The following FAT4 variants were observed in gnomAD, a reference collection of about 807,000 sequenced individuals.
FAT4 encodes the protein protocadherin Fat 4.
In FAT4, 84 loss-of-function variants were observed where a neutral mutation model predicts 303.9. The observed-to-expected ratio is 0.28, with a 90% CI of 0.23 to 0.33. FAT4 has a LOEUF of 0.33. Ranked by LOEUF, FAT4 falls within the 10% of genes least tolerant of loss-of-function variation. FAT4 has a pLI of 1.00. For synonymous variants in FAT4, 2,307 were observed against 2,298.8 expected, an observed-to-expected ratio of 1.00 and a Z score of -0.10; for missense variants, 6,005 against 6,146.8, an observed-to-expected ratio of 0.98 and a Z score of 0.77.
At position 125,453,890 on chromosome 4, in the gene FAT4, A is replaced by G. The variant is rs544420655; in HGVS notation, c.11800+1080A>G. ...CACCCTAGTGGGATATGATGTCCAT[A>G]TATACATAGATCTCTACCTATTTCT... On this transcript the variant is annotated intron_variant, in intron 10 of 17. Coordinates refer to ENST00000394329, the MANE Select transcript of FAT4 (RefSeq NM_001291303.3). Among the ~76,000 whole-genome samples, 34 of 152,302 alleles carry G rather than the reference A, an allele frequency of 2.2e-4. No homozygotes were observed. In the South Asian group the frequency reaches 5.4e-3, roughly 24 times the overall value.
At chr4:125,342,341 C>T (rs1434831888) in intron 2 of FAT4, among the ~76,000 whole-genome samples, 1 of 151,906 alleles carries the variant, frequency 6.6e-6, no homozygotes, top group Non-Finnish European at 1.5e-5. Flanking sequence ...AAATTTTTAT[C>T]AAGCTCAAAT....
intron 3 of FAT4, among the ~76,000 whole-genome samples, chr4:125,400,346 C>T (rs1273799474): frequency 6.6e-6 from 1 of 151,922 alleles, no homozygotes; most frequent in Non-Finnish European, 1.5e-5. Flanking sequence ...TTGTTTTAAT[C>T]ATCATACTGC....
At chr4:125,432,512 G>A (rs1460041085) in intron 7 of FAT4, among the ~76,000 whole-genome samples, 1 of 152,096 alleles carries the variant, frequency 6.6e-6, no homozygotes, top group Non-Finnish European at 1.5e-5. Context: ...TATTTGATGT[G>A]TTTCTTATCG....
intron 2 of FAT4, among the ~76,000 whole-genome samples, chr4:125,374,479 C>T (rs1733241104): frequency 6.6e-6 from 1 of 152,146 alleles, no homozygotes. Context: ...TTGGCTTCAA[C>T]AGAAATAAAT....
At chr4:125,324,250 A>G (rs1731065718) in intron 2 of FAT4, among the ~76,000 whole-genome samples, 1 of 152,212 alleles carries the variant, frequency 6.6e-6, no homozygotes, top group African/African-American at 2.4e-5. Context: ...ACCAAAAAAT[A>G]GATATATGTA....
At position 125,315,438 on chromosome 4, in the gene FAT4, C is replaced by G. The variant is rs1168747185; in HGVS notation, c.-552C>G. On this transcript the variant is annotated 5_prime_UTR_variant, in exon 1 of 18. Coordinates refer to ENST00000394329, the MANE Select transcript of FAT4 (RefSeq NM_001291303.3). ...TAGAGTGGGCTTCTGACTGGGGCCG[C>G]CGGAGAACGACCCCCCCTGGCATGG... is the stretch of plus-strand genomic sequence containing the variant. Among the ~76,000 whole-genome samples the G allele has an allele frequency of 6.6e-6, 1 of 152,068 alleles. No homozygotes were observed. The highest frequency in any genetic ancestry group is 1.9e-4 in the East Asian group (1 of 5,168).
At chr4:125,474,992 G>A (rs1726976876) in intron 12 of FAT4, among the ~76,000 whole-genome samples, 1 of 151,986 alleles carries the variant, frequency 6.6e-6, no homozygotes, top group Non-Finnish European at 1.5e-5. Flanking sequence ...TAGTTGCATT[G>A]TATTTATATT....
At position 125,408,441 on chromosome 4, in the gene FAT4, T is replaced by C; in HGVS notation, c.5570-3T>C. On this transcript the variant is annotated splice_polypyrimidine_tract_variant and splice_region_variant and intron_variant, in intron 4 of 17. Transcript: ENST00000394329. ...TTATACTATTAATTTATTCTTTTGA[T>C]AGGTTCTTTGGTAGCAGCCATTTTA... The C allele has an allele frequency of 6.4e-7, 1 of 1,562,056 alleles. No homozygotes were observed.
chr4:125,384,423 T>A (rs1733660084), intron 2 of FAT4, among the ~76,000 whole-genome samples: 1 of 152,202 alleles, frequency 6.6e-6, no homozygotes, highest in Admixed American at 6.5e-5. Context: ...GAATTTAACA[T>A]CTTTTTATGT....
intron 2 of FAT4, among the ~76,000 whole-genome samples, chr4:125,330,809 A>C (rs1731352301): frequency 1.3e-5 from 2 of 152,130 alleles, no homozygotes; most frequent in Admixed American, 1.3e-4. Context: ...ATTTGCCCAA[A>C]AACTTCCTAT....
intron 16 of FAT4, among the ~76,000 whole-genome samples, chr4:125,486,266 T>C (rs1727409958): frequency 6.6e-6 from 1 of 152,110 alleles, no homozygotes; most frequent in African/African-American, 2.4e-5. Flanking sequence ...TTTTCTGTTT[T>C]TTTTTTTTAG....
In FAT4 at chr4:125,477,383, A is replaced by T. The variant is rs148988132; in HGVS notation, c.12479+49A>T. The stretch of plus-strand genomic sequence containing the variant: ...GTTTTAAAGAAAAAAAATGCAAAAA[A>T]GTATGCTTCAGTGAGCATCAAAAGA... On this transcript the variant is annotated intron_variant, in intron 14 of 17. Coordinates refer to ENST00000394329, the MANE Select transcript of FAT4 (RefSeq NM_001291303.3). 8 of 1,437,880 alleles carry T rather than the reference A, an allele frequency of 5.6e-6. No individual in the cohort carries two copies. In the African/African-American group the frequency reaches 8.7e-5, roughly 16 times the overall value. The allele number at this position is 1,437,880 out of a possible 1,614,324, so 89.1% of individuals were successfully genotyped here.
Position 125,449,586 on chromosome 4 carries a change from A to G in FAT4, c.8576A>G (p.Asp2859Gly). ...GATTCTGGGTGGACTGTAAGTACAG[A>G]TGTCACAATATTTGTGACAGACATC... is the stretch of plus-strand genomic sequence containing the variant. ...AHDSGWTVST[D>G]VTIFVTDIND... Residue 2859 changes from aspartate to glycine, a missense_variant, in exon 10 of 18, where the codon GAT (aspartate) becomes GGT (glycine). Asp to Gly is a moderately conservative substitution (Grantham distance 94). Coordinates refer to ENST00000394329, the MANE Select transcript of FAT4 (RefSeq NM_001291303.3). 6.2e-7 allele frequency: 1 copy of G among 1,613,810 alleles called. No individual in the cohort carries two copies. The highest frequency in any genetic ancestry group is 8.5e-7 in the Non-Finnish European group (1 of 1,179,824).
At chr4:125,430,661 G>GAA (rs11449318) in intron 7 of FAT4, among the ~76,000 whole-genome samples, 2 of 150,490 alleles carry the variant, frequency 1.3e-5, no homozygotes, top group Non-Finnish European at 3.0e-5. Flanking sequence ...CTTGAGGTGG[G>GAA]AAAAAAAAAT....
intron 2 of FAT4, among the ~76,000 whole-genome samples, chr4:125,336,861 T>A (rs1402838891): frequency 6.6e-6 from 1 of 151,998 alleles, no homozygotes; most frequent in African/African-American, 2.4e-5. Flanking sequence ...ACTAGAGTGA[T>A]AGGCGGGAAC....
intron 10 of FAT4, among the ~76,000 whole-genome samples, chr4:125,460,181 T>C (rs1201091612): frequency 2.0e-5 from 3 of 152,072 alleles, no homozygotes; most frequent in Non-Finnish European, 4.4e-5. Context: ...AATTTTTAAA[T>C]AGTAAATAAT....
At chr4:125,403,308 A>G (rs767432537) in intron 3 of FAT4, among the ~76,000 whole-genome samples, 4 of 152,098 alleles carry the variant, frequency 2.6e-5, no homozygotes, top group Non-Finnish European at 4.4e-5. Flanking sequence ...TGACTAATAA[A>G]TGGAGCACAA....
intron 2 of FAT4, among the ~76,000 whole-genome samples, chr4:125,370,840 T>C (rs981416339): frequency 6.6e-6 from 1 of 152,136 alleles, no homozygotes; most frequent in Non-Finnish European, 1.5e-5. Flanking sequence ...ACAGTTCTCT[T>C]TATTAATCAG....
chr4:125,468,385 A>T, intron 11 of FAT4, 127 bp from the exon 12 acceptor site: 2 of 580,584 alleles, frequency 3.4e-6, no homozygotes, highest in East Asian at 3.2e-5. Context: ...TTTAGATGAA[A>T]TTTTTTGGAA....
Sources: gnomAD v4.1 joint callset for allele counts (sites outside exome capture counted in the v4.1 genomes callset) on GRCh38, gnomAD v4.1.1 for gene constraint, MANE v1.5 for transcripts, NCBI Gene and HGNC (gene_info 2026-07-23, HGNC 2026-07-21) for gene names.